PTPRT: variants seen among roughly 807,000 people sequenced by gnomAD.
PTPRT encodes receptor-type tyrosine-protein phosphatase T.
In PTPRT, 56 loss-of-function variants were observed where a neutral mutation model predicts 176.8. That is an observed-to-expected ratio of 0.32 (90% CI 0.26 to 0.40). The LOEUF (loss-of-function observed/expected upper bound fraction) is 0.40. Ranked by LOEUF, PTPRT falls within the 10% of genes least tolerant of loss-of-function variation. The pLI is 1.00. For synonymous variants in PTPRT, 783 were observed against 739.0 expected, an observed-to-expected ratio of 1.06 and a Z score of -0.96; for missense variants, 1,540 against 1,908.2, an observed-to-expected ratio of 0.81 and a Z score of 3.60.
intron 1 of PTPRT, among the ~76,000 whole-genome samples, chr20:43,003,256 T>G (rs1240082135): frequency 6.6e-6 from 1 of 152,226 alleles, no homozygotes; most frequent in African/African-American, 2.4e-5. Flanking sequence ...GGTGCAATCA[T>G]AGCTCACTGC....
chr20:43,143,162 C>T (rs1372774151), intron 1 of PTPRT, among the ~76,000 whole-genome samples: 1 of 152,122 alleles, frequency 6.6e-6, no homozygotes, highest in African/African-American at 2.4e-5. Flanking sequence ...TGATCAGAAG[C>T]CTCCCTCCTC....
intron 1 of PTPRT, among the ~76,000 whole-genome samples, chr20:42,918,134 G>A (rs183757885): frequency 3.2e-4 from 48 of 152,030 alleles, no homozygotes; most frequent in African/African-American, 1.1e-3. Context: ...GAAAATGATG[G>A]TCCAGGGCCA....
At chr20:42,355,372 G>T (rs1490726079) in intron 9 of PTPRT, among the ~76,000 whole-genome samples, 1 of 152,130 alleles carries the variant, frequency 6.6e-6, no homozygotes, top group Non-Finnish European at 1.5e-5. Context: ...TTGGCAAACT[G>T]CTCATATTCA....
intron 7 of PTPRT, among the ~76,000 whole-genome samples, chr20:42,499,292 C>CTTT (rs56128037): frequency 7.1e-6 from 1 of 141,034 alleles, no homozygotes; most frequent in South Asian, 2.3e-4. Context: ...TTTTGATAAA[C>CTTT]TTTTTTTTTT....
chr20:42,299,120 C>T (rs569762080), intron 12 of PTPRT, among the ~76,000 whole-genome samples: 1 of 151,542 alleles, frequency 6.6e-6, no homozygotes, highest in South Asian at 2.1e-4. Flanking sequence ...CATTGGTTTC[C>T]AACAGGGGAT....
the PTPRT span, among the ~76,000 whole-genome samples, chr20:42,062,137 T>A: frequency 6.6e-6 from 1 of 152,152 alleles, no homozygotes; most frequent in Non-Finnish European, 1.5e-5. Context: ...GTTACTCACA[T>A]TCCACTTCGG....
chr20:42,954,830 A>G (rs1981517185), intron 1 of PTPRT, among the ~76,000 whole-genome samples: 1 of 152,096 alleles, frequency 6.6e-6, no homozygotes, highest in South Asian at 2.1e-4. Context: ...CCAAGGAGAC[A>G]TCCTTAGAAT....
intron 27 of PTPRT, among the ~76,000 whole-genome samples, chr20:42,086,753 A>AAATATATATATATATATAT (rs1983991312): frequency 3.1e-5 from 3 of 95,536 alleles, no homozygotes; most frequent in Admixed American, 1.0e-4. Flanking sequence ...AAAAAAAAAA[A>AAATATATATATATATATAT]ATATATATAT....
intron 1 of PTPRT, among the ~76,000 whole-genome samples, chr20:42,999,827 T>C (rs1209134266): frequency 6.6e-6 from 1 of 151,910 alleles, no homozygotes; most frequent in Non-Finnish European, 1.5e-5. Flanking sequence ...AAAATGACTC[T>C]GAGCCCACAT....
At chr20:42,571,239 T>C (rs879873031) in intron 7 of PTPRT, among the ~76,000 whole-genome samples, 9 of 152,230 alleles carry the variant, frequency 5.9e-5, no homozygotes, top group Non-Finnish European at 1.3e-4. Flanking sequence ...TTATTGTACT[T>C]GGTAGTTGAA....
At chr20:43,012,946 T>G (rs896399317) in intron 1 of PTPRT, among the ~76,000 whole-genome samples, 2 of 151,922 alleles carry the variant, frequency 1.3e-5, no homozygotes, top group African/African-American at 2.4e-5. Context: ...CTGCCTCCCT[T>G]GCTCTTCTGA....
At chr20:42,414,967 T>C (rs1034301880) in intron 9 of PTPRT, among the ~76,000 whole-genome samples, 1 of 152,176 alleles carries the variant, frequency 6.6e-6, no homozygotes, top group Non-Finnish European at 1.5e-5. Flanking sequence ...CAAATATTGG[T>C]AATGTATTGG....
intron 1 of PTPRT, among the ~76,000 whole-genome samples, chr20:43,070,013 C>T (rs1037858453): frequency 6.6e-6 from 1 of 152,176 alleles, no homozygotes; most frequent in Non-Finnish European, 1.5e-5. Context: ...TTAGAAAACG[C>T]TTTTGCCCAA....
intron 14 of PTPRT, among the ~76,000 whole-genome samples, chr20:42,242,283 C>G (rs2056370245): frequency 6.6e-6 from 1 of 152,184 alleles, no homozygotes; most frequent in Non-Finnish European, 1.5e-5. Flanking sequence ...GAGTGAAGCT[C>G]TCTTGTATAA....
At chr20:43,128,174 T>C (rs1042297277) in intron 1 of PTPRT, among the ~76,000 whole-genome samples, 16 of 152,270 alleles carry the variant, frequency 1.1e-4, no homozygotes, top group Admixed American at 1.3e-4. Flanking sequence ...CAAGTCTGCA[T>C]GAAGTAAACA....
intron 9 of PTPRT, among the ~76,000 whole-genome samples, chr20:42,409,218 C>T (rs939390233): frequency 6.6e-6 from 1 of 152,118 alleles, no homozygotes; most frequent in Non-Finnish European, 1.5e-5. Context: ...CACAGTGGCT[C>T]ATGCCTGTAA....
intron 17 of PTPRT, among the ~76,000 whole-genome samples, chr20:42,144,369 C>A (rs1404068803): frequency 2.0e-5 from 3 of 152,026 alleles, no homozygotes; most frequent in African/African-American, 7.2e-5. Flanking sequence ...ACAAAAATGG[C>A]AGCCACGTTG....
At chr20:42,773,674 C>G (rs926476074) in intron 4 of PTPRT, among the ~76,000 whole-genome samples, 1 of 152,084 alleles carries the variant, frequency 6.6e-6, no homozygotes, top group South Asian at 2.1e-4. Context: ...TTTTGGCTCT[C>G]CTGTATAATT....
intron 6 of PTPRT, among the ~76,000 whole-genome samples, chr20:42,697,237 A>G (rs1056275937): frequency 2.0e-5 from 3 of 152,244 alleles, no homozygotes; most frequent in African/African-American, 7.2e-5. Flanking sequence ...AAGCCTGGAG[A>G]AGATGTGGCT....
Sources: allele counts gnomAD v4.1 joint callset (sites outside exome capture counted in the v4.1 genomes callset), GRCh38; gene constraint gnomAD v4.1.1; transcripts MANE v1.5; gene names NCBI Gene and HGNC (gene_info 2026-07-23, HGNC 2026-07-21).